Variants in RIC3 observed in about 807,000 individuals in gnomAD.
RIC3 encodes protein RIC-3.
Under a neutral mutation model 27.3 loss-of-function variants are expected in RIC3, and 28 were observed. The ratio of observed to expected loss-of-function variants is 1.02; its 90% CI spans 0.76 to 1.41. RIC3 has a LOEUF of 1.41. Ranked by LOEUF, RIC3 falls within the 40% of genes most tolerant of loss-of-function variation. The pLI, the probability that RIC3 is intolerant of heterozygous loss-of-function variation, is 0.00. For synonymous variants in RIC3, 184 were observed against 160.4 expected (o/e 1.15, Z -1.11); for missense variants, 501 against 444.7 (o/e 1.13, Z -1.14).
the RIC3 span, chr11:8,100,410 G>C: frequency 1.0e-6 from 1 of 959,934 alleles, no homozygotes; most frequent in Non-Finnish European, 1.6e-6. Flanking sequence ...GAGATGGTGG[G>C]AACTAGCTCT....
Position 8,168,899 on chromosome 11 carries a change from C to G in RIC3, c.91G>C (p.Gly31Arg), listed in dbSNP as rs1249629604. Reference sequence around the variant, plus strand: ...GTCGGCGGCGGCTCCTGCCGCTTCCCGCGGGACAGGAAGGCCTTGGGCAGC... The same window carrying G: ...GTCGGCGGCGGCTCCTGCCGCTTCCGGCGGGACAGGAAGGCCTTGGGCAGC... ...LLLPKAFLSRGKRQEPPPTPE... is the reference protein window; with the variant it reads ...LLLPKAFLSRRKRQEPPPTPE... Residue 31 changes from glycine (G) to arginine (R), a missense_variant, in exon 1 of 6, where the codon GGG becomes CGG. Transcript: ENST00000309737. 2 of 1,611,402 alleles carry G rather than the reference C, an allele frequency of 1.2e-6. No homozygotes were observed. Among genetic ancestry groups the G allele is most frequent in the African/African-American group, 1.3e-5 (1 of 74,642 alleles).
At chr11:8,099,804 T>TG in the RIC3 span, among the ~76,000 whole-genome samples, 5,190 of 152,032 alleles carry the variant, frequency 0.034, 139 homozygotes, top group South Asian at 0.11. Context: ...CAGAAGGAAG[T>TG]GAAAAACAGC....
At chr11:8,093,508 T>A in the RIC3 span, among the ~76,000 whole-genome samples, 4 of 152,178 alleles carry the variant, frequency 2.6e-5, no homozygotes, top group Admixed American at 2.0e-4. Context: ...GCTGGGACCC[T>A]TCTGAGACCT....
intron 4 of RIC3, among the ~76,000 whole-genome samples, chr11:8,131,293 G>T (rs1044303694): frequency 3.3e-5 from 5 of 152,172 alleles, no homozygotes; most frequent in African/African-American, 1.2e-4. Context: ...AAGACATGGT[G>T]ATTGATGAGA....
intron 1 of RIC3, among the ~76,000 whole-genome samples, chr11:8,156,158 T>C (rs1565116288): frequency 6.6e-6 from 1 of 152,238 alleles, no homozygotes; most frequent in Non-Finnish European, 1.5e-5. Context: ...ACCACTGTTT[T>C]GTTACCAGAA....
the RIC3 span, among the ~76,000 whole-genome samples, chr11:8,093,390 C>A: frequency 6.6e-6 from 1 of 152,062 alleles, no homozygotes; most frequent in Non-Finnish European, 1.5e-5. Context: ...TATTTTAGAC[C>A]TAGGGGAAGG....
the RIC3 span, chr11:8,094,161 T>C: frequency 4.3e-6 from 7 of 1,613,716 alleles, no homozygotes; most frequent in South Asian, 2.2e-5. Context: ...GTGGCGCCGC[T>C]AGGAAGGAGA....
chr11:8,097,458 C>CT, the RIC3 span: 3 of 1,613,004 alleles, frequency 1.9e-6, no homozygotes, highest in African/African-American at 4.0e-5. Flanking sequence ...ATCATCTAGG[C>CT]TTTACAGCCC....
chr11:8,118,827 C>T (rs1206432755), intron 5 of RIC3, among the ~76,000 whole-genome samples: 1 of 150,812 alleles, frequency 6.6e-6, no homozygotes, highest in Non-Finnish European at 1.5e-5. Flanking sequence ...GCTGAGATCA[C>T]ACCATTGCAC....
the RIC3 span, among the ~76,000 whole-genome samples, chr11:8,094,864 G>A: frequency 1.3e-5 from 2 of 152,206 alleles, no homozygotes; most frequent in African/African-American, 4.8e-5. Flanking sequence ...TTCTGGAGCT[G>A]GCCGAGCACT....
chr11:8,104,296 G>T (rs1944432698), downstream of RIC3: 1 of 152,174 alleles, frequency 6.6e-6, no homozygotes, highest in African/African-American at 2.4e-5. Context: ...CGCTTCTGGG[G>T]CCACACCCCA....
In RIC3 at chr11:8,109,334, T is replaced by G. The variant is rs777291752; in HGVS notation, c.*1364A>C. The stretch of plus-strand genomic sequence containing the variant: ...ATGACTGGGAATGTCTTTGGGAATG[T>G]GCCCTCTTCGAACTCTCAGGTCTTA... On this transcript the variant is annotated 3_prime_UTR_variant, in exon 6 of 6. Coordinates refer to ENST00000309737, the MANE Select transcript of RIC3 (RefSeq NM_001206671.4). 1 of 152,236 alleles carries G rather than the reference T, an allele frequency of 6.6e-6. No homozygotes were observed. 9.4% of individuals were successfully genotyped at this position (152,236 alleles called of 1,614,324 possible).
intron 5 of RIC3, among the ~76,000 whole-genome samples, chr11:8,118,049 C>T (rs958019330): frequency 2.6e-5 from 4 of 151,496 alleles, no homozygotes; most frequent in Non-Finnish European, 5.9e-5. Context: ...GGTGAAACCC[C>T]ATCTCTACTA....
At chr11:8,119,406 C>T (rs1021710271) in intron 5 of RIC3, among the ~76,000 whole-genome samples, 3 of 152,202 alleles carry the variant, frequency 2.0e-5, no homozygotes, top group Non-Finnish European at 2.9e-5. Flanking sequence ...CTACAACTAT[C>T]TGATCTTTGA....
intron 1 of RIC3, among the ~76,000 whole-genome samples, chr11:8,152,543 T>C (rs1390539584): frequency 6.6e-6 from 1 of 152,078 alleles, no homozygotes; most frequent in African/African-American, 2.4e-5. Flanking sequence ...AGTAGACTAG[T>C]GATTACCTAG....
chr11:8,146,735 T>G (rs940370434), intron 1 of RIC3, among the ~76,000 whole-genome samples: 1 of 141,906 alleles, frequency 7.0e-6, no homozygotes, highest in African/African-American at 2.6e-5. Context: ...CGGGGCGGGG[T>G]GGCAGGGGGC....
intron 3 of RIC3, 100 bp from the exon 4 acceptor site, chr11:8,137,571 C>T (rs1397602106): frequency 1.4e-6 from 1 of 740,362 alleles, no homozygotes; most frequent in Non-Finnish European, 2.2e-6. Context: ...GTCTAACTTC[C>T]CATTACTATC....
chr11:8,126,165 A>G (rs1367960840), intron 5 of RIC3, among the ~76,000 whole-genome samples: 3 of 152,242 alleles, frequency 2.0e-5, no homozygotes, highest in African/African-American at 7.2e-5. Flanking sequence ...TAGCTGCTTG[A>G]GTCATAAGAG....
At chr11:8,166,672 C>A (rs575277146) in intron 1 of RIC3, among the ~76,000 whole-genome samples, 1 of 152,268 alleles carries the variant, frequency 6.6e-6, no homozygotes, top group South Asian at 2.1e-4. Context: ...GAGTTCGACA[C>A]CAGCCTGGAC....
Sources: gnomAD v4.1 joint callset for allele counts (sites outside exome capture counted in the v4.1 genomes callset) on GRCh38, gnomAD v4.1.1 for gene constraint, MANE v1.5 for transcripts, NCBI Gene and HGNC (gene_info 2026-07-23, HGNC 2026-07-21) for gene names.